Variants in RANGAP1 observed in about 807,000 individuals in gnomAD.
The protein encoded by RANGAP1 is ran GTPase-activating protein 1.
Under a neutral mutation model 63.5 loss-of-function variants are expected in RANGAP1, and 38 were observed. The ratio of observed to expected loss-of-function variants is 0.60; its 90% CI spans 0.46 to 0.78. The LOEUF is 0.78. RANGAP1 is among the 30% of genes least tolerant of loss of function. RANGAP1 has a pLI of 0.00. For synonymous variants in RANGAP1, 329 were observed against 310.5 expected (o/e 1.06, Z -0.63); for missense variants, 630 against 740.3 (o/e 0.85, Z 1.73).
intron 5 of RANGAP1, among the ~76,000 whole-genome samples, chr22:41,264,161 A>G (rs2034328572): frequency 6.6e-6 from 1 of 152,164 alleles, no homozygotes; most frequent in African/African-American, 2.4e-5. Context: ...CCCTTGATGC[A>G]GGTTCTGGGA....
upstream of RANGAP1, among the ~76,000 whole-genome samples, chr22:41,286,473 G>C (rs1207406844): frequency 6.6e-6 from 1 of 152,232 alleles, no homozygotes; most frequent in Non-Finnish European, 1.5e-5. Flanking sequence ...GGAGCGCCCA[G>C]AGACTACAAT....
intron 2 of RANGAP1, 47 bp downstream of exon 2, chr22:41,280,886 C>CCCT: frequency 6.2e-7 from 1 of 1,611,360 alleles, no homozygotes; most frequent in South Asian, 1.1e-5. Flanking sequence ...TCAGTACACT[C>CCCT]CCTCTCCTCC....
intron 15 of RANGAP1, among the ~76,000 whole-genome samples, chr22:41,246,992 A>G (rs73430506): frequency 0.042 from 6,329 of 152,314 alleles, 435 homozygotes; most frequent in African/African-American, 0.14. Context: ...CTGGCCCACT[A>G]GAGTCCAATC....
Position 41,281,014 on chromosome 22 carries a change from C to T in RANGAP1, c.31G>A (p.Glu11Lys). MASEDIAKLAETLAKTQVAGG... is the reference protein window; with the variant it reads MASEDIAKLAKTLAKTQVAGG... ...GCCACCTGAGTCTTGGCAAGTGTCT[C>T]TGCCAGCTTGGCAATGTCTTCCGAG... The change falls in exon 2 of 16, where the codon GAG becomes AAG. Residue 11 changes from glutamate (E) to lysine (K), a missense_variant. By Grantham distance (56) the Glu-to-Lys change is moderately conservative (BLOSUM62 1). This residue lies in a region of RANGAP1 where 65 missense variants were observed against 60.5 expected (regional missense o/e 1.07). Coordinates refer to ENST00000356244, the MANE Select transcript of RANGAP1 (RefSeq NM_002883.4). 1.9e-6 allele frequency: 3 copies of T among 1,610,940 alleles called. No homozygotes were observed. Among genetic ancestry groups the T allele is most frequent in the Non-Finnish European group, 2.5e-6 (3 of 1,178,634 alleles).
intron 12 of RANGAP1, 134 bp from the exon 13 acceptor site, chr22:41,251,243 C>T: frequency 1.6e-6 from 1 of 635,808 alleles, no homozygotes. Context: ...TTACCCCATG[C>T]TGTCCCTTCA....
At chr22:41,250,882 G>C (rs1167109293) in intron 13 of RANGAP1, 125 bp downstream of exon 13, 2 of 727,942 alleles carry the variant, frequency 2.7e-6, no homozygotes, top group Admixed American at 2.7e-5. Context: ...GAAAAACTCA[G>C]GTGGCCAAAG....
In RANGAP1 at chr22:41,249,506, C is replaced by T. The variant is rs2145675296; in HGVS notation, c.1573-55G>A. 4 of 1,609,558 alleles carry T rather than the reference C, an allele frequency of 2.5e-6. No individual in the cohort carries two copies. The African/African-American group carries it at 4.0e-5, about 16-fold the overall frequency. Reference sequence around the variant, plus strand: ...AGCTTCAAAGTCACCTGGGGGGGCCCCTGGACTCCACCATCCAGACTCTGC... The same window carrying T: ...AGCTTCAAAGTCACCTGGGGGGGCCTCTGGACTCCACCATCCAGACTCTGC... On this transcript the variant is annotated intron_variant, in intron 14 of 15. Coordinates refer to ENST00000356244, the MANE Select transcript of RANGAP1 (RefSeq NM_002883.4).
At chr22:41,253,250 G>A (rs1032051527) in intron 11 of RANGAP1, among the ~76,000 whole-genome samples, 1 of 152,154 alleles carries the variant, frequency 6.6e-6, no homozygotes, top group African/African-American at 2.4e-5. Context: ...AACCTGCTAC[G>A]GCCAAGTGGA....
intron 3 of RANGAP1, among the ~76,000 whole-genome samples, chr22:41,271,403 A>AC (rs911097180): frequency 7.3e-5 from 11 of 149,666 alleles, no homozygotes; most frequent in Middle Eastern, 3.2e-3. Flanking sequence ...AAACAAAAAA[A>AC]AAAAACAAAA....
At chr22:41,288,921 T>C (rs929013485), upstream of RANGAP1, among the ~76,000 whole-genome samples, 137 of 12,506 alleles carry the variant, frequency 0.011, 1 homozygote, top group Non-Finnish European at 0.02. Flanking sequence ...TATATCCTGA[T>C]TTTTTTTTTT....
At chr22:41,300,425 A>AAC in the RANGAP1 span, among the ~76,000 whole-genome samples, 10 of 40,184 alleles carry the variant, frequency 2.5e-4, no homozygotes, top group East Asian at 3.8e-4. Context: ...GGGTATTGGG[A>AAC]ACTCACACAC....
chr22:41,279,419 G>A (rs943729369), intron 2 of RANGAP1, among the ~76,000 whole-genome samples: 6 of 143,920 alleles, frequency 4.2e-5, no homozygotes, highest in South Asian at 2.2e-4. Context: ...ACAGTGAGCC[G>A]AGATTGCACC....
chr22:41,292,746 AAAAT>A, the RANGAP1 span, among the ~76,000 whole-genome samples: 3 of 152,038 alleles, frequency 2.0e-5, no homozygotes, highest in Non-Finnish European at 4.4e-5. Flanking sequence ...ACTCCGTCTC[AAAAT>A]AAATAAATAA....
chr22:41,264,573 C>A (rs2034355950), intron 5 of RANGAP1, 91 bp downstream of exon 5: 2 of 1,414,648 alleles, frequency 1.4e-6, no homozygotes, highest in Non-Finnish European at 1.9e-6. Flanking sequence ...GCTGACCATC[C>A]CAGATGGTGG....
chr22:41,264,641 G>C, intron 5 of RANGAP1, 23 bp downstream of exon 5: 2 of 1,602,384 alleles, frequency 1.2e-6, no homozygotes, highest in African/African-American at 1.3e-5. Context: ...GGGACTCTGC[G>C]GGGAGGGGGC....
rs756098733 is a variant in RANGAP1, at chr22:41,249,362, G to C, written c.1662C>G (p.Ala554=). The change falls in exon 15 of 16, where the codon GCC becomes GCG. Residue 554 remains alanine (A), a synonymous_variant. Coordinates refer to ENST00000356244, the MANE Select transcript of RANGAP1 (RefSeq NM_002883.4). ...CGAACGCCAGCAGCAGGGGTGCAAG[G>C]GCCTTGGGGAAATAGTCCTGCTGCA... The part of the protein sequence containing the change: ...HMVQQDYFPK[A]LAPLLLAFVT... 6.2e-7 allele frequency: 1 copy of C among 1,612,724 alleles called. No individual in the cohort carries two copies. Among genetic ancestry groups the C allele is most frequent in the Non-Finnish European group, 8.5e-7 (1 of 1,179,250 alleles).
At position 41,263,372 on chromosome 22, in the gene RANGAP1, CTGTTTGTT is replaced by C. The variant is rs374556452; in HGVS notation, c.480+1284_480+1291del. ...CTGACGCAAACGTTTTTATATGTTT[CTGTTTGTT>C]TGTTTGTTTGTTTGTTTTTTTGAGA... On this transcript the variant is annotated intron_variant, in intron 5 of 15. Coordinates refer to ENST00000356244, the MANE Select transcript of RANGAP1 (RefSeq NM_002883.4). Among the ~76,000 whole-genome samples, 14 of 152,016 alleles carry C rather than the reference CTGTTTGTT, an allele frequency of 9.2e-5. 1 individual carries two copies. The highest frequency in any genetic ancestry group is 5.8e-4 in the East Asian group (3 of 5,182).
intron 15 of RANGAP1, among the ~76,000 whole-genome samples, chr22:41,247,644 G>A (rs185373861): frequency 5.3e-5 from 8 of 152,342 alleles, no homozygotes; most frequent in South Asian, 2.1e-4. Context: ...GAGCCACTGC[G>A]CCTGAGCTGG....
chr22:41,263,322 G>T (rs61477260), intron 5 of RANGAP1, among the ~76,000 whole-genome samples: 6,879 of 152,296 alleles, frequency 0.045, 514 homozygotes, highest in African/African-American at 0.16. Context: ...ACTCACTCTA[G>T]GTTGGGCCAC....
Sources: allele counts gnomAD v4.1 joint callset (sites outside exome capture counted in the v4.1 genomes callset), GRCh38; gene constraint gnomAD v4.1.1; regional missense constraint gnomAD v4.1.1; transcripts MANE v1.5; gene names NCBI Gene and HGNC (gene_info 2026-07-23, HGNC 2026-07-21).